PHACTR4: variants seen among roughly 807,000 people sequenced by gnomAD.
The protein encoded by PHACTR4 is protein phosphatase 1, regulatory subunit 124.
PHACTR4 carries 51 observed loss-of-function variants against 72.7 expected under a neutral mutation model. That is an observed-to-expected ratio of 0.70 (90% CI 0.56 to 0.89). PHACTR4 has a LOEUF of 0.89. PHACTR4 is among the 40% of genes least tolerant of loss of function. PHACTR4 has a pLI of 0.00. For synonymous variants in PHACTR4, 255 were observed against 302.5 expected, an observed-to-expected ratio of 0.84 and a Z score of 1.63; for missense variants, 731 against 861.8, an observed-to-expected ratio of 0.85 and a Z score of 1.90.
At position 28,460,227 on chromosome 1, in the gene PHACTR4, T is replaced by C; in HGVS notation, c.206T>C (p.Ile69Thr). The C allele has an allele frequency of 6.2e-7, 1 of 1,613,464 alleles. No homozygotes were observed. The highest frequency in any genetic ancestry group is 8.5e-7 in the Non-Finnish European group (1 of 1,179,666). Residue 69 changes from isoleucine to threonine, a missense_variant, in exon 4 of 14, where the codon ATA becomes ACA. Physicochemically the swap from Ile to Thr is moderately conservative, Grantham distance 89. Transcript: ENST00000373839. ...TTAATGTTAGTTTTAGAACGGAAAA[T>C]ATCTATGCGAAAGCCAAGAGAAGAG... ...KETSEVLERK[I>T]SMRKPREELV...
In PHACTR4 at chr1:28,459,004, G is replaced by A. The variant is rs976323559; in HGVS notation, c.17-81G>A. 31 of 1,291,704 alleles carry A rather than the reference G, an allele frequency of 2.4e-5. No individual in the cohort carries two copies. The South Asian group carries it at 4.5e-4, about 19-fold the overall frequency. 80.0% of individuals were successfully genotyped at this position (1,291,704 alleles called of 1,614,324 possible). A position where few individuals can be genotyped will look rare whatever the true frequency, so the allele number is the denominator to read the frequency against. ...CTCCGATCCTTTCCAACTACCACAG[G>A]AAGAGAGGGGAAGGGACATTTTAGA... On this transcript the variant is annotated intron_variant, in intron 2 of 13. Transcript: ENST00000373839.
chr1:28,401,784 G>C (rs1653966775), intron 1 of PHACTR4, among the ~76,000 whole-genome samples: 1 of 152,086 alleles, frequency 6.6e-6, no homozygotes, highest in Admixed American at 6.6e-5. Flanking sequence ...TTTTTTTAGA[G>C]ACAGGGATTT....
intron 2 of PHACTR4, among the ~76,000 whole-genome samples, chr1:28,425,899 C>T (rs553033672): frequency 6.6e-6 from 1 of 152,298 alleles, no homozygotes; most frequent in African/African-American, 2.4e-5. Context: ...AGTTTCTACA[C>T]ATCAGTGATA....
chr1:28,414,925 T>G (rs1655012259), intron 2 of PHACTR4, among the ~76,000 whole-genome samples: 1 of 152,142 alleles, frequency 6.6e-6, no homozygotes, highest in African/African-American at 2.4e-5. Flanking sequence ...ATACAATGAA[T>G]GTATTACTTG....
chr1:28,456,841 T>TCAACA, intron 2 of PHACTR4, among the ~76,000 whole-genome samples: 1 of 151,884 alleles, frequency 6.6e-6, no homozygotes, highest in South Asian at 2.1e-4. Flanking sequence ...GAGCTGTGAT[T>TCAACA]GTGCCACTGC....
chr1:28,491,598 GATTGATGCCTAATT>G (rs1384108445), intron 11 of PHACTR4, 38 bp from the exon 12 acceptor site: 2 of 1,612,824 alleles, frequency 1.2e-6, no homozygotes, highest in African/African-American at 2.7e-5. Flanking sequence ...TTGAATGCAT[GATTGATGCCTAATT>G]ATTGGCTTGG....
At chr1:28,489,930 T>G (rs760138658) in intron 10 of PHACTR4, 28 of 517,880 alleles carry the variant, frequency 5.4e-5, no homozygotes, top group Non-Finnish European at 9.3e-5. Context: ...CATTTTCTAG[T>G]GTGGGAGCCC....
intron 1 of PHACTR4, among the ~76,000 whole-genome samples, chr1:28,405,130 T>G (rs1342818460): frequency 1.3e-5 from 2 of 152,194 alleles, no homozygotes; most frequent in Non-Finnish European, 2.9e-5. Context: ...ACTGTATATC[T>G]TCTCTTAGGA....
At chr1:28,479,836 T>C (rs1660168898) in intron 8 of PHACTR4, among the ~76,000 whole-genome samples, 1 of 152,136 alleles carries the variant, frequency 6.6e-6, no homozygotes, top group Non-Finnish European at 1.5e-5. Context: ...GAGGTTGCAA[T>C]GAGCTGAAAT....
chr1:28,373,188 G>T (rs1651374505), intron 1 of PHACTR4, among the ~76,000 whole-genome samples: 1 of 151,994 alleles, frequency 6.6e-6, no homozygotes, highest in African/African-American at 2.4e-5. Flanking sequence ...TGAACTCCTG[G>T]ACTCAAGCAG....
In PHACTR4 at chr1:28,473,539, C is replaced by A; in HGVS notation, c.824-15C>A. ...GGAAAGTCGTGAAATTGATGTGTTG[C>A]TCTCTCTTTTCCAGCTGAACTGTCC... On this transcript the variant is annotated splice_polypyrimidine_tract_variant and intron_variant, in intron 6 of 13. Transcript: ENST00000373839. 6.4e-7 allele frequency: 1 copy of A among 1,560,072 alleles called. No homozygotes were observed. Among genetic ancestry groups the A allele is most frequent in the Admixed American group, 1.7e-5 (1 of 57,262 alleles).
At chr1:28,429,184 C>T (rs1450353947) in intron 2 of PHACTR4, among the ~76,000 whole-genome samples, 1 of 152,204 alleles carries the variant, frequency 6.6e-6, no homozygotes, top group East Asian at 1.9e-4. Context: ...CTTTAACCTT[C>T]TGTCGCTTTC....
Position 28,476,204 on chromosome 1 carries a change from C to T in PHACTR4, c.1519C>T (p.Arg507Trp), listed in dbSNP as rs758653103. The T allele has an allele frequency of 1.1e-5, 17 of 1,540,436 alleles. No individual in the cohort carries two copies. The highest frequency in any genetic ancestry group is 2.5e-5 in the East Asian group (1 of 39,376). ...SVIPKLPQCL[R>W]EEEEKESDSD... Reference sequence around the variant, plus strand: ...CATTCCTAAATTACCACAGTGTCTACGGGAGGAAGAAGAGAAGGAGAGCGA... The same window carrying T: ...CATTCCTAAATTACCACAGTGTCTATGGGAGGAAGAAGAGAAGGAGAGCGA... Residue 507 changes from arginine to tryptophan, a missense_variant, in exon 8 of 14, where the codon CGG becomes TGG. Arg to Trp is a moderately radical substitution (Grantham distance 101, BLOSUM62 -3). This residue lies in a region of PHACTR4 where 621 missense variants were observed against 676.6 expected (regional missense o/e 0.92). Coordinates refer to ENST00000373839, the MANE Select transcript of PHACTR4 (RefSeq NM_001048183.3).
At chr1:28,412,732 T>A (rs1654866300) in intron 2 of PHACTR4, among the ~76,000 whole-genome samples, 2 of 152,214 alleles carry the variant, frequency 1.3e-5, no homozygotes, top group Admixed American at 1.3e-4. Flanking sequence ...TCTGAAAGGA[T>A]CTCAGGGATC....
intron 2 of PHACTR4, among the ~76,000 whole-genome samples, chr1:28,427,511 G>T (rs975366402): frequency 8.5e-5 from 13 of 152,116 alleles, no homozygotes; most frequent in Non-Finnish European, 1.8e-4. Flanking sequence ...GGGCAACAGA[G>T]CGAGACCCTG....
chr1:28,379,317 G>A (rs1053785914), intron 1 of PHACTR4, among the ~76,000 whole-genome samples: 1 of 151,298 alleles, frequency 6.6e-6, no homozygotes, highest in African/African-American at 2.4e-5. Context: ...ACCCAGGCTG[G>A]AGTGCAGTGG....
chr1:28,485,958 C>A (rs1660617221), intron 9 of PHACTR4, among the ~76,000 whole-genome samples: 2 of 151,964 alleles, frequency 1.3e-5, no homozygotes, highest in African/African-American at 4.8e-5. Flanking sequence ...AAAGGTAGAT[C>A]TCATAGTAAG....
At chr1:28,427,148 A>G (rs891622253) in intron 2 of PHACTR4, among the ~76,000 whole-genome samples, 12 of 152,206 alleles carry the variant, frequency 7.9e-5, no homozygotes, top group African/African-American at 2.7e-4. Context: ...TTCTCTACCA[A>G]TGATTAAAAT....
chr1:28,443,924 C>A (rs1357944546), intron 2 of PHACTR4, among the ~76,000 whole-genome samples: 2 of 151,940 alleles, frequency 1.3e-5, no homozygotes, highest in Admixed American at 6.6e-5. Context: ...GATTTCCTTT[C>A]CTTTGGATAT....
Sources: allele counts gnomAD v4.1 joint callset (sites outside exome capture counted in the v4.1 genomes callset), GRCh38; gene constraint gnomAD v4.1.1; regional missense constraint gnomAD v4.1.1; transcripts MANE v1.5; gene names NCBI Gene and HGNC (gene_info 2026-07-23, HGNC 2026-07-21).